The following KIAA1217 variants were observed in gnomAD, a reference collection of about 807,000 sequenced individuals.
KIAA1217 encodes the protein sickle tail protein homolog.
Under a neutral mutation model 163.9 loss-of-function variants are expected in KIAA1217, and 88 were observed. The ratio of observed to expected loss-of-function variants is 0.54; its 90% CI spans 0.45 to 0.64. The LOEUF is 0.64. Ranked by LOEUF, KIAA1217 falls within the 30% of genes least tolerant of loss-of-function variation. KIAA1217 has a pLI of 0.00. For synonymous variants in KIAA1217, 903 were observed against 923.1 expected, an observed-to-expected ratio of 0.98 and a Z score of 0.39; for missense variants, 2,372 against 2,475.0, an observed-to-expected ratio of 0.96 and a Z score of 0.88.
At chr10:23,938,932 C>T (rs893497868) in intron 1 of KIAA1217, among the ~76,000 whole-genome samples, 11 of 152,034 alleles carry the variant, frequency 7.2e-5, no homozygotes, top group Non-Finnish European at 1.2e-4. Flanking sequence ...ACATTTAAAA[C>T]AATCCAAAAA....
chr10:24,365,696 TTTTATTTA>T (rs918761985), intron 2 of KIAA1217, among the ~76,000 whole-genome samples: 36 of 152,170 alleles, frequency 2.4e-4, no homozygotes, highest in Non-Finnish European at 4.7e-4. Flanking sequence ...CTTCAAGTTC[TTTTATTTA>T]TTTATTTATT....
chr10:23,987,915 A>G (rs1185334003), intron 1 of KIAA1217, among the ~76,000 whole-genome samples: 1 of 152,212 alleles, frequency 6.6e-6, no homozygotes, highest in Non-Finnish European at 1.5e-5. Flanking sequence ...TTTAAGTCGT[A>G]GGATACTTTA....
rs148469495 is a variant in KIAA1217 at position 24,232,159 on chromosome 10, T to C, written c.354+12250T>C. Among the ~76,000 whole-genome samples the C allele has an allele frequency of 2.0e-5, 3 of 152,318 alleles. No individual in the cohort carries two copies. The East Asian group carries it at 5.8e-4, about 29-fold the overall frequency. ...AGTACATCTCAGAAGATTTGGACCA[T>C]TACATAGTAGGACATCTTGCGGCAG... On this transcript the variant is annotated intron_variant, in intron 2 of 20. Transcript: ENST00000376454.
Position 24,544,306 on chromosome 10 carries a change from C to A in KIAA1217, c.5036C>A (p.Thr1679Lys), listed in dbSNP as rs757892982. 2 of 1,614,034 alleles carry A rather than the reference C, an allele frequency of 1.2e-6. No homozygotes were observed. The highest frequency in any genetic ancestry group is 2.7e-5 in the African/African-American group (2 of 75,008). Residue 1679 changes from threonine (T) to lysine (K), a missense_variant, in exon 19 of 21, where the codon ACA (threonine) becomes AAA (lysine). Coordinates refer to ENST00000376454, the MANE Select transcript of KIAA1217 (RefSeq NM_019590.5). Reference protein sequence around the residue: ...LEQTIKQLENTISEMSPKALV... With the variant: ...LEQTIKQLENKISEMSPKALV... ...CAGACCATTAAACAGCTCGAAAATA[C>A]AATCAGTGAAATGAGTCCCAAAGCC...
In KIAA1217 at chr10:24,426,051, G is replaced by A. The variant is rs918201751; in HGVS notation, c.554-6944G>A. Among the ~76,000 whole-genome samples the A allele has an allele frequency of 3.9e-5, 6 of 152,290 alleles. 1 individual carries two copies. Among genetic ancestry groups the A allele is most frequent in the South Asian group, 4.1e-4 (2 of 4,824 alleles). Reference sequence around the variant, plus strand: ...CCATTTGCCACTGGTATTGCAGATGGTGATCTGCATAGTCCTAAAATGGAT... The same window carrying A: ...CCATTTGCCACTGGTATTGCAGATGATGATCTGCATAGTCCTAAAATGGAT... On this transcript the variant is annotated intron_variant, in intron 3 of 20. Coordinates refer to ENST00000376454, the MANE Select transcript of KIAA1217 (RefSeq NM_019590.5).
intron 3 of KIAA1217, among the ~76,000 whole-genome samples, chr10:24,405,479 C>T (rs1170499453): frequency 6.6e-6 from 1 of 152,068 alleles, no homozygotes; most frequent in Non-Finnish European, 1.5e-5. Flanking sequence ...AATAAAAATA[C>T]CTGGCAGAAA....
intron 2 of KIAA1217, among the ~76,000 whole-genome samples, chr10:24,101,849 G>A (rs542805794): frequency 6.6e-6 from 1 of 152,052 alleles, no homozygotes; most frequent in African/African-American, 2.4e-5. Context: ...ATTTATCTTG[G>A]ATGTTGGATT....
rs546884669 is a variant in KIAA1217 at position 24,220,676 on chromosome 10, G to C, written c.354+767G>C. Among the ~76,000 whole-genome samples, 31 of 149,960 alleles carry C rather than the reference G, an allele frequency of 2.1e-4. No homozygotes were observed. In the East Asian group the frequency reaches 4.7e-3, roughly 23 times the overall value. ...TCATCGTGTTACCCAGGATGGTCTCGATCTCCTGATCTCGTGATCCGCCCA... is the reference window on the plus strand; with the variant it reads ...TCATCGTGTTACCCAGGATGGTCTCCATCTCCTGATCTCGTGATCCGCCCA... On this transcript the variant is annotated intron_variant, in intron 2 of 20. Transcript: ENST00000376454.
intron 1 of KIAA1217, among the ~76,000 whole-genome samples, chr10:23,988,766 T>C (rs1846090358): frequency 6.6e-6 from 1 of 152,202 alleles, no homozygotes; most frequent in South Asian, 2.1e-4. Context: ...AAACATGTAG[T>C]TTGTTTTTCA....
At chr10:23,740,045 T>C (rs928139815) in intron 1 of KIAA1217, among the ~76,000 whole-genome samples, 2 of 141,790 alleles carry the variant, frequency 1.4e-5, no homozygotes, top group African/African-American at 2.9e-5. Flanking sequence ...GGTTCCATTT[T>C]ATACATCTTA....
intron 2 of KIAA1217, among the ~76,000 whole-genome samples, chr10:24,377,036 G>A (rs933907843): frequency 2.6e-5 from 4 of 152,112 alleles, no homozygotes; most frequent in African/African-American, 9.7e-5. Flanking sequence ...TATTTCTATA[G>A]GGTCAATCAC....
intron 1 of KIAA1217, among the ~76,000 whole-genome samples, chr10:23,907,768 C>T (rs2131261748): frequency 6.6e-6 from 1 of 152,236 alleles, no homozygotes; most frequent in Middle Eastern, 3.4e-3. Flanking sequence ...AAATGTTTTA[C>T]CAGCTACCTG....
In KIAA1217 at chr10:23,860,636, T is replaced by C. The variant is rs74123142; in HGVS notation, c.-320-146589T>C. Among the ~76,000 whole-genome samples the C allele has an allele frequency of 4.3e-3, 650 of 152,288 alleles. 4 individuals carry two copies. Among genetic ancestry groups the C allele is most frequent in the African/African-American group, 0.015 (607 of 41,582 alleles). The stretch of plus-strand genomic sequence containing the variant: ...TGCAGTTTTAAAAAAGCAAATACAT[T>C]ACTACTACATTAATAATAAAGGAAT... On this transcript the variant is annotated intron_variant, in intron 1 of 18. Coordinates refer to the KIAA1217 transcript ENST00000376462.
At chr10:24,453,429 G>A (rs891172596) in intron 5 of KIAA1217, among the ~76,000 whole-genome samples, 1 of 152,194 alleles carries the variant, frequency 6.6e-6, no homozygotes, top group Non-Finnish European at 1.5e-5. Flanking sequence ...AAATGCATGA[G>A]CCTGGACTAA....
chr10:24,352,928 G>A (rs1221388308), intron 2 of KIAA1217, among the ~76,000 whole-genome samples: 1 of 152,178 alleles, frequency 6.6e-6, no homozygotes, highest in East Asian at 1.9e-4. Flanking sequence ...GGGTGGGTGG[G>A]GGTGGTGTCA....
In KIAA1217 at chr10:24,328,744, T is replaced by C. The variant is rs535973568; in HGVS notation, c.355-52125T>C. ...TTATCTCATACTTTTTGAGATACATTTACTTTTCTGTTTATAGCTTGTCTT... is the reference window on the plus strand; with the variant it reads ...TTATCTCATACTTTTTGAGATACATCTACTTTTCTGTTTATAGCTTGTCTT... On this transcript the variant is annotated intron_variant, in intron 2 of 20. Coordinates refer to ENST00000376454, the MANE Select transcript of KIAA1217 (RefSeq NM_019590.5). Among the ~76,000 whole-genome samples, 13 of 152,116 alleles carry C rather than the reference T, an allele frequency of 8.5e-5. No individual in the cohort carries two copies. In the East Asian group the frequency reaches 1.2e-3, roughly 14 times the overall value.
intron 3 of KIAA1217, among the ~76,000 whole-genome samples, chr10:24,388,658 C>T (rs1159446181): frequency 6.6e-6 from 1 of 152,032 alleles, no homozygotes; most frequent in Non-Finnish European, 1.5e-5. Flanking sequence ...ACAATCTACC[C>T]ACCTGACAAA....
At chr10:23,809,624 C>G (rs1836897177) in intron 1 of KIAA1217, among the ~76,000 whole-genome samples, 1 of 151,870 alleles carries the variant, frequency 6.6e-6, no homozygotes, top group Non-Finnish European at 1.5e-5. Flanking sequence ...AGACAAAAAC[C>G]TTTCACAAAT....
At chr10:24,407,467 C>T (rs2057347866) in intron 3 of KIAA1217, among the ~76,000 whole-genome samples, 1 of 152,006 alleles carries the variant, frequency 6.6e-6, no homozygotes, top group African/African-American at 2.4e-5. Context: ...CTGATTTTTT[C>T]ATTTCTATTT....
Sources: gnomAD v4.1 joint callset for allele counts (sites outside exome capture counted in the v4.1 genomes callset) on GRCh38, gnomAD v4.1.1 for gene constraint, MANE v1.5 for transcripts, NCBI Gene and HGNC (gene_info 2026-07-23, HGNC 2026-07-21) for gene names.